VGLL4: variants seen among roughly 807,000 people sequenced by gnomAD.
VGLL4 encodes the protein transcription cofactor vestigial-like protein 4.
In VGLL4, 7 loss-of-function variants were observed where a neutral mutation model predicts 21.0. That is an observed-to-expected ratio of 0.33 (90% CI 0.19 to 0.63). VGLL4 has a LOEUF of 0.63. VGLL4 is among the 20% of genes least tolerant of loss of function. The pLI, the probability that VGLL4 is intolerant of heterozygous loss-of-function variation, is 0.78. For missense variants in VGLL4, 394 were observed against 425.7 expected, an observed-to-expected ratio of 0.93 and a Z score of 0.66; for synonymous variants, 222 against 173.2, an observed-to-expected ratio of 1.28 and a Z score of -2.21.
chr3:11,560,505 T>C (rs2072885337), intron 3 of VGLL4, among the ~76,000 whole-genome samples: 1 of 152,162 alleles, frequency 6.6e-6, no homozygotes, highest in African/African-American at 2.4e-5. Flanking sequence ...TCCATTAAAG[T>C]TAGAGCAGTA....
At chr3:11,717,802 A>G (rs1406974874) in intron 1 of VGLL4, among the ~76,000 whole-genome samples, 1 of 152,194 alleles carries the variant, frequency 6.6e-6, no homozygotes, top group Non-Finnish European at 1.5e-5. Context: ...ATAACACAAA[A>G]TACTTTCAAA....
At chr3:11,707,790 T>TC (rs2076783682) in intron 1 of VGLL4, among the ~76,000 whole-genome samples, 1 of 151,746 alleles carries the variant, frequency 6.6e-6, no homozygotes, top group Non-Finnish European at 1.5e-5. Context: ...AGCCAGGAGG[T>TC]CGATGCTGCA....
chr3:11,601,507 T>C (rs760418618), intron 2 of VGLL4, among the ~76,000 whole-genome samples: 6 of 152,122 alleles, frequency 3.9e-5, no homozygotes, highest in Admixed American at 6.5e-5. Flanking sequence ...ACAATCAATA[T>C]GTATGGGCAA....
chr3:11,673,423 G>C (rs1467247272), intron 2 of VGLL4, among the ~76,000 whole-genome samples: 1 of 152,080 alleles, frequency 6.6e-6, no homozygotes, highest in South Asian at 2.1e-4. Context: ...GTCCGGAAGG[G>C]AGAAAGGGGG....
chr3:11,579,216 C>CT (rs200915522), intron 2 of VGLL4, among the ~76,000 whole-genome samples: 10 of 73,880 alleles, frequency 1.4e-4, no homozygotes, highest in African/African-American at 2.5e-4. Context: ...AGCTAACTTT[C>CT]TAAAAAAAAA....
At chr3:11,606,801 G>A (rs1243482285) in intron 1 of VGLL4, among the ~76,000 whole-genome samples, 2 of 152,204 alleles carry the variant, frequency 1.3e-5, no homozygotes, top group Non-Finnish European at 2.9e-5. Flanking sequence ...GGCCACTCCA[G>A]CCAGCAGCAG....
chr3:11,670,562 T>G (rs2076193305), intron 2 of VGLL4, among the ~76,000 whole-genome samples: 1 of 152,234 alleles, frequency 6.6e-6, no homozygotes, highest in Non-Finnish European at 1.5e-5. Flanking sequence ...TAAATATGCC[T>G]TCATTTTTGC....
intron 1 of VGLL4, among the ~76,000 whole-genome samples, chr3:11,628,554 C>T (rs933006024): frequency 1.3e-5 from 2 of 152,176 alleles, no homozygotes; most frequent in Non-Finnish European, 2.9e-5. Flanking sequence ...GGCGCGGTGG[C>T]TCACGCCTGT....
chr3:11,656,850 A>G (rs2075966255), intron 2 of VGLL4, among the ~76,000 whole-genome samples: 1 of 152,168 alleles, frequency 6.6e-6, no homozygotes, highest in South Asian at 2.1e-4. Context: ...CCCAGCAACA[A>G]CGAAGCACGG....
chr3:11,648,496 A>G (rs988270877), upstream of VGLL4, among the ~76,000 whole-genome samples: 1 of 152,254 alleles, frequency 6.6e-6, no homozygotes, highest in African/African-American at 2.4e-5. Context: ...TAAGCCAGAA[A>G]TAAAATTTTT....
rs1206356332 is a variant in VGLL4, at chr3:11,556,145, TTTC to T, written c.*2408_*2410del. ...AAAGATGGCCTGCCAAACCTTTTTT[TTTC>T]TTCTTCCAGGAAAAACAGGCCACAG... On this transcript the variant is annotated 3_prime_UTR_variant, in exon 5 of 5. Coordinates refer to ENST00000430365, the MANE Select transcript of VGLL4 (RefSeq NM_001128219.3). 2 of 152,822 alleles carry T rather than the reference TTTC, an allele frequency of 1.3e-5. No homozygotes were observed. The highest frequency in any genetic ancestry group is 2.1e-4 in the South Asian group (1 of 4,822). The allele number at this position is 152,822 out of a possible 1,614,324, so 9.5% of individuals were successfully genotyped here.
intron 2 of VGLL4, among the ~76,000 whole-genome samples, chr3:11,571,188 G>A (rs1205656409): frequency 1.3e-5 from 2 of 152,136 alleles, no homozygotes; most frequent in African/African-American, 4.8e-5. Context: ...TTCAATAGCG[G>A]GGTCCATCCT....
chr3:11,579,129 A>G lies in VGLL4; in HGVS notation c.273-14110T>C, dbSNP rs1440075248. 2.0e-5 allele frequency among the ~76,000 whole-genome samples: 3 copies of G among 151,882 alleles called. No individual in the cohort carries two copies. In the East Asian group the frequency reaches 5.8e-4, roughly 29 times the overall value. ...CAATCATGTAGTGTGTTAATTCTCAACATGAACTGCCTCTGAGCATCCAGG... is the reference window on the plus strand; with the variant it reads ...CAATCATGTAGTGTGTTAATTCTCAGCATGAACTGCCTCTGAGCATCCAGG... On this transcript the variant is annotated intron_variant, in intron 2 of 4. Transcript: ENST00000430365.
chr3:11,598,999 C>T (rs945854553), intron 2 of VGLL4, among the ~76,000 whole-genome samples: 2 of 152,146 alleles, frequency 1.3e-5, no homozygotes, highest in East Asian at 3.8e-4. Flanking sequence ...ACTTCTTAGG[C>T]ATTAAATATA....
intron 1 of VGLL4, among the ~76,000 whole-genome samples, chr3:11,627,050 C>T (rs917964215): frequency 2.0e-5 from 3 of 152,208 alleles, no homozygotes; most frequent in South Asian, 2.1e-4. Flanking sequence ...TGACTTGACC[C>T]TATTCCAAAT....
At chr3:11,705,685 G>A (rs1034279045) in intron 1 of VGLL4, among the ~76,000 whole-genome samples, 3 of 152,196 alleles carry the variant, frequency 2.0e-5, no homozygotes, top group Admixed American at 6.5e-5. Context: ...TCCTATTCAG[G>A]AAAGATCTGG....
chr3:11,702,336 G>A (rs528407046), intron 2 of VGLL4, among the ~76,000 whole-genome samples: 34 of 151,894 alleles, frequency 2.2e-4, no homozygotes, highest in African/African-American at 7.7e-4. Context: ...AAGGCCAGAC[G>A]TGGCAGCTCC....
chr3:11,598,228 T>C (rs937775944), intron 2 of VGLL4, among the ~76,000 whole-genome samples: 1 of 151,618 alleles, frequency 6.6e-6, no homozygotes, highest in Non-Finnish European at 1.5e-5. Context: ...GGTTTCACCA[T>C]ATTGATCAGT....
intron 2 of VGLL4, chr3:11,582,278 G>T (rs374191515): frequency 1.2e-5 from 19 of 1,605,930 alleles, no homozygotes; most frequent in South Asian, 4.5e-5. Flanking sequence ...AGGGTTCTTG[G>T]TACTAACCTC....
Sources: gnomAD v4.1 joint callset for allele counts (sites outside exome capture counted in the v4.1 genomes callset) on GRCh38, gnomAD v4.1.1 for gene constraint, MANE v1.5 for transcripts, NCBI Gene and HGNC (gene_info 2026-07-23, HGNC 2026-07-21) for gene names.